The following SPATA31H1 variants were observed in gnomAD, a reference collection of about 807,000 sequenced individuals.
SPATA31H1 encodes the protein spermatogenesis-associated protein 31H1.
chr2:27,538,044 A>G, the SPATA31H1 span, among the ~76,000 whole-genome samples: 1 of 152,258 alleles, frequency 6.6e-6, no homozygotes, highest in South Asian at 2.1e-4. Context: ...GGGAAAGGGA[A>G]GCGTATTGGA....
the SPATA31H1 span, chr2:27,580,225 AG>A: frequency 3.1e-6 from 5 of 1,614,204 alleles, no homozygotes; most frequent in Non-Finnish European, 4.2e-6. Context: ...ATAGATTTGC[AG>A]TCTGGGCCTT....
the SPATA31H1 span, among the ~76,000 whole-genome samples, chr2:27,563,841 A>C: frequency 2.0e-3 from 298 of 152,174 alleles, no homozygotes; most frequent in Non-Finnish European, 3.6e-3. Flanking sequence ...GATTATAGGC[A>C]TGAGCCACCG....
At chr2:27,565,617 T>G in the SPATA31H1 span, among the ~76,000 whole-genome samples, 1 of 152,214 alleles carries the variant, frequency 6.6e-6, no homozygotes. Context: ...GCTCCTTTTG[T>G]GCAAAGCCCA....
At chr2:27,566,747 G>A in the SPATA31H1 span, 5 of 686,836 alleles carry the variant, frequency 7.3e-6, no homozygotes, top group African/African-American at 1.8e-5. Context: ...CAAGGCTTGT[G>A]GAACAGGATT....
the SPATA31H1 span, chr2:27,572,018 G>A: frequency 2.5e-6 from 1 of 398,344 alleles, no homozygotes; most frequent in South Asian, 1.3e-4. Flanking sequence ...TAAAGAAAGG[G>A]TCTGAGTCAG....
At chr2:27,569,255 G>A in the SPATA31H1 span, 1 of 399,006 alleles carries the variant, frequency 2.5e-6, no homozygotes, top group East Asian at 3.6e-5. Context: ...CAGAGCCACA[G>A]CCCCATGATA....
At chr2:27,578,943 A>T in the SPATA31H1 span, 1 of 1,614,024 alleles carries the variant, frequency 6.2e-7, no homozygotes, top group Non-Finnish European at 8.5e-7. Context: ...ACAATCTTTA[A>T]CTTTTCCTTT....
the SPATA31H1 span, chr2:27,582,599 T>C: frequency 5.3e-5 from 76 of 1,432,046 alleles, no homozygotes; most frequent in African/African-American, 2.9e-5. Context: ...TCTTTCCTGC[T>C]CAGCCACTGC....
At chr2:27,579,804 G>C in the SPATA31H1 span, 1 of 1,614,206 alleles carries the variant, frequency 6.2e-7, no homozygotes, top group Non-Finnish European at 8.5e-7. Flanking sequence ...GGCCAAGACT[G>C]ACTTCTCAGA....
the SPATA31H1 span, among the ~76,000 whole-genome samples, chr2:27,538,218 G>A: frequency 6.6e-6 from 1 of 151,560 alleles, no homozygotes; most frequent in South Asian, 2.1e-4. Flanking sequence ...AGACATCAAA[G>A]ATTTTAAAGC....
At chr2:27,550,293 A>G in the SPATA31H1 span, among the ~76,000 whole-genome samples, 1 of 151,118 alleles carries the variant, frequency 6.6e-6, no homozygotes, top group East Asian at 1.9e-4. Context: ...CTATATAAAC[A>G]TTACACATCA....
chr2:27,582,587 C>T, the SPATA31H1 span: 81 of 1,486,550 alleles, frequency 5.4e-5, no homozygotes, highest in East Asian at 1.7e-3. Flanking sequence ...CCTTTCCAGG[C>T]TTCTTTCCTG....
the SPATA31H1 span, among the ~76,000 whole-genome samples, chr2:27,552,532 A>G: frequency 6.6e-6 from 1 of 151,960 alleles, no homozygotes; most frequent in Non-Finnish European, 1.5e-5. Flanking sequence ...GAGTCCTCCA[A>G]CTTTGTTCTT....
chr2:27,553,377 A>G, the SPATA31H1 span, among the ~76,000 whole-genome samples: 2 of 152,038 alleles, frequency 1.3e-5, no homozygotes, highest in African/African-American at 2.4e-5. Flanking sequence ...TCAACCTGGC[A>G]GTTTTCCTGC....
At chr2:27,540,704 C>T in the SPATA31H1 span, among the ~76,000 whole-genome samples, 63 of 128,042 alleles carry the variant, frequency 4.9e-4, no homozygotes, top group Admixed American at 6.7e-4. Context: ...TCCTCACCTC[C>T]CAGACAGGGT....
At chr2:27,542,572 T>A in the SPATA31H1 span, among the ~76,000 whole-genome samples, 4 of 149,252 alleles carry the variant, frequency 2.7e-5, no homozygotes, top group Non-Finnish European at 5.9e-5. Context: ...TAGAAAATTC[T>A]ATAGGATAGC....
At chr2:27,569,830 T>C in the SPATA31H1 span, 3 of 398,834 alleles carry the variant, frequency 7.5e-6, no homozygotes, top group Non-Finnish European at 1.3e-5. Context: ...TCTTCTGAAT[T>C]GACCTCAGGG....
the SPATA31H1 span, chr2:27,579,782 T>A: frequency 6.2e-7 from 1 of 1,614,056 alleles, no homozygotes; most frequent in Admixed American, 1.7e-5. Context: ...TCAAGCCAAA[T>A]TATCTTTCCC....
chr2:27,577,455 C>T, the SPATA31H1 span: 1 of 1,614,016 alleles, frequency 6.2e-7, no homozygotes, highest in South Asian at 1.1e-5. This position sits in a 1 kb window ranked among gnomAD's most constrained non-coding sequence, Gnocchi z 4.5. Context: ...TGGAATGACC[C>T]CAAAGCCAAC....
Sources: allele counts gnomAD v4.1 joint callset (sites outside exome capture counted in the v4.1 genomes callset), GRCh38; gene constraint gnomAD v4.1.1; non-coding constraint Gnocchi (gnomAD v3.1); transcripts MANE v1.5; gene names NCBI Gene and HGNC (gene_info 2026-07-23, HGNC 2026-07-21).